Variants in SDC2 observed in about 807,000 individuals in gnomAD.
SDC2 encodes the protein syndecan-2.
Under a neutral mutation model 22.2 loss-of-function variants are expected in SDC2, and 13 were observed. The ratio of observed to expected loss-of-function variants is 0.59; its 90% CI spans 0.38 to 0.93. The LOEUF (loss-of-function observed/expected upper bound fraction) is 0.93. Among genes scored for constraint, SDC2 ranks in the 40% least tolerant of loss-of-function variants. The probability of loss-of-function intolerance (pLI) is 0.00; values close to 1 mark genes in which losing one functional copy is unlikely to be tolerated. For synonymous variants in SDC2, 94 were observed against 92.8 expected (o/e 1.01, Z -0.07); for missense variants, 235 against 246.8 (o/e 0.95, Z 0.32).
In SDC2 at chr8:96,528,830, G is replaced by T. The variant is rs545616332; in HGVS notation, c.60+34499G>T. The stretch of plus-strand genomic sequence containing the variant: ...TATGATCCTTAATATCCCAGAAGAA[G>T]ACCATAATGAGGCATCTTATGTAAC... On this transcript the variant is annotated intron_variant, in intron 1 of 4. Coordinates refer to ENST00000302190, the MANE Select transcript of SDC2 (RefSeq NM_002998.4). Among the ~76,000 whole-genome samples the T allele has an allele frequency of 1.5e-3, 226 of 152,268 alleles. 2 individuals are homozygous for T. Among genetic ancestry groups the T allele is most frequent in the South Asian group, 2.1e-4 (1 of 4,826 alleles).
chr8:96,522,392 G>C (rs1330090773), intron 1 of SDC2, among the ~76,000 whole-genome samples: 1 of 151,710 alleles, frequency 6.6e-6, no homozygotes, highest in Non-Finnish European at 1.5e-5. Flanking sequence ...TTCTCCTCTG[G>C]CTGGAGAAAA....
At chr8:96,522,068 C>T (rs1472206112) in intron 1 of SDC2, among the ~76,000 whole-genome samples, 5 of 152,158 alleles carry the variant, frequency 3.3e-5, no homozygotes, top group African/African-American at 1.2e-4. Flanking sequence ...TTCTGCAAAA[C>T]TCAAGTGAAA....
chr8:96,529,771 C>T (rs749904896), intron 1 of SDC2, among the ~76,000 whole-genome samples: 3 of 152,074 alleles, frequency 2.0e-5, no homozygotes, highest in Non-Finnish European at 2.9e-5. Context: ...TCCCTGTGAC[C>T]CCTGAATTGC....
intron 1 of SDC2, among the ~76,000 whole-genome samples, chr8:96,509,460 C>T (rs536034318): frequency 7.0e-6 from 1 of 141,948 alleles, no homozygotes; most frequent in East Asian, 2.0e-4. Flanking sequence ...CTTTTTGTGG[C>T]TCTTGTGTTT....
intron 1 of SDC2, among the ~76,000 whole-genome samples, chr8:96,508,327 A>G (rs944756962): frequency 2.8e-5 from 3 of 105,746 alleles, no homozygotes; most frequent in African/African-American, 1.0e-4. Context: ...TAATAATAAT[A>G]ATAATAATAA....
At chr8:96,501,588 G>A (rs1401523504) in intron 1 of SDC2, among the ~76,000 whole-genome samples, 2 of 151,954 alleles carry the variant, frequency 1.3e-5, no homozygotes, top group East Asian at 1.9e-4. Context: ...GATTGCAGAC[G>A]TGAGCCACTG....
chr8:96,603,918 T>A (rs1473621554), intron 3 of SDC2, among the ~76,000 whole-genome samples: 1 of 152,172 alleles, frequency 6.6e-6, no homozygotes, highest in Non-Finnish European at 1.5e-5. Context: ...TAAAAGCTAC[T>A]GTATCAATGT....
intron 1 of SDC2, among the ~76,000 whole-genome samples, chr8:96,524,815 A>G (rs1813553320): frequency 1.3e-5 from 2 of 152,288 alleles, no homozygotes; most frequent in Admixed American, 6.5e-5. Context: ...GGGCTGTTCA[A>G]TGAGACCTAA....
At chr8:96,549,571 G>T (rs1813992593) in intron 1 of SDC2, among the ~76,000 whole-genome samples, 1 of 152,266 alleles carries the variant, frequency 6.6e-6, no homozygotes, top group South Asian at 2.1e-4. Flanking sequence ...GTAGTTTAAG[G>T]GGGTGATTAT....
At chr8:96,570,127 C>G (rs1814367554) in intron 1 of SDC2, among the ~76,000 whole-genome samples, 1 of 152,176 alleles carries the variant, frequency 6.6e-6, no homozygotes. Flanking sequence ...CTATCACTAT[C>G]CTCTCCATTT....
intron 1 of SDC2, among the ~76,000 whole-genome samples, chr8:96,576,121 T>G (rs1471851910): frequency 6.6e-6 from 1 of 152,040 alleles, no homozygotes; most frequent in Non-Finnish European, 1.5e-5. Flanking sequence ...TGGGCCCAAT[T>G]TATTTAAGTC....
rs534407629 is a variant in SDC2 at position 96,495,373 on chromosome 8, A to G, written c.60+1042A>G. Among the ~76,000 whole-genome samples, 63 of 152,188 alleles carry G rather than the reference A, an allele frequency of 4.1e-4. 1 individual carries two copies. Among genetic ancestry groups the G allele is most frequent in the East Asian group, 7.8e-4 (4 of 5,148 alleles). On this transcript the variant is annotated intron_variant, in intron 1 of 4. Coordinates refer to ENST00000302190, the MANE Select transcript of SDC2 (RefSeq NM_002998.4). ...GGAGCTTGTTTCCCCACGTCGCCCA[A>G]TGAGCGCCCTCTAAAGGGAACTGCC...
In SDC2 at chr8:96,502,773, G is replaced by A. The variant is rs564714003; in HGVS notation, c.60+8442G>A. Among the ~76,000 whole-genome samples, 7 of 152,316 alleles carry A rather than the reference G, an allele frequency of 4.6e-5. 1 individual carries two copies. In the South Asian group the frequency reaches 1.0e-3, roughly 23 times the overall value. ...GCTCAGTTTTCTCATCTGTAAAACTGAATATCCTAAAATAAGTTTTTAGGA... is the reference window on the plus strand; with the variant it reads ...GCTCAGTTTTCTCATCTGTAAAACTAAATATCCTAAAATAAGTTTTTAGGA... On this transcript the variant is annotated intron_variant, in intron 1 of 4. Transcript: ENST00000302190.
At chr8:96,606,582 C>T (rs1815084030) in intron 3 of SDC2, among the ~76,000 whole-genome samples, 1 of 152,116 alleles carries the variant, frequency 6.6e-6, no homozygotes, top group Non-Finnish European at 1.5e-5. Flanking sequence ...AGAACTGGGG[C>T]AGTGCTGTTG....
intron 1 of SDC2, among the ~76,000 whole-genome samples, chr8:96,533,807 A>G (rs924885786): frequency 1.3e-5 from 2 of 152,236 alleles, no homozygotes; most frequent in East Asian, 3.9e-4. Flanking sequence ...CACTGGGGCC[A>G]CAGGTGGAGC....
At chr8:96,554,125 G>T (rs946137520) in intron 1 of SDC2, among the ~76,000 whole-genome samples, 1 of 151,924 alleles carries the variant, frequency 6.6e-6, no homozygotes, top group Admixed American at 6.6e-5. Context: ...CTGTCTGTCT[G>T]GTTTGGACTT....
chr8:96,564,483 T>A (rs1022530038), intron 1 of SDC2, among the ~76,000 whole-genome samples: 1 of 152,236 alleles, frequency 6.6e-6, no homozygotes, highest in African/African-American at 2.4e-5. Context: ...TGCATTTTGC[T>A]GGTGTAGAAT....
At chr8:96,523,086 T>C (rs745649748) in intron 1 of SDC2, among the ~76,000 whole-genome samples, 25 of 152,210 alleles carry the variant, frequency 1.6e-4, no homozygotes, top group Non-Finnish European at 3.2e-4. Flanking sequence ...TTAATTCAGT[T>C]AGTTGCTCCA....
rs1220674689 is a variant in SDC2 at position 96,540,357 on chromosome 8, A to ATATATATATATATATAT, written c.60+46026_60+46027insTATATATATATATATAT. ...ATATATGTGTATATATATATATATA[A>ATATATATATATATATAT]AAATTAGTCGGGTGTGGCAGTGTTT... is the stretch of plus-strand genomic sequence containing the variant. On this transcript the variant is annotated intron_variant, in intron 1 of 4. Coordinates refer to ENST00000302190, the MANE Select transcript of SDC2 (RefSeq NM_002998.4). Among the ~76,000 whole-genome samples, 40 of 82,156 alleles carry ATATATATATATATATAT rather than the reference A, an allele frequency of 4.9e-4. No individual in the cohort carries two copies. The East Asian group carries it at 7.2e-3, about 15-fold the overall frequency. 53.9% of individuals were successfully genotyped at this position (82,156 alleles called of 152,430 possible). A position where few individuals can be genotyped will look rare whatever the true frequency, so the allele number is the denominator to read the frequency against.
Sources: gnomAD v4.1 joint callset for allele counts (sites outside exome capture counted in the v4.1 genomes callset) on GRCh38, gnomAD v4.1.1 for gene constraint, MANE v1.5 for transcripts, NCBI Gene and HGNC (gene_info 2026-07-23, HGNC 2026-07-21) for gene names.